The following POLR2B variants were observed in gnomAD, a reference collection of about 807,000 sequenced individuals.
The protein encoded by POLR2B is DNA-directed RNA polymerase II subunit RPB2.
A neutral mutation model predicts 144.6 loss-of-function variants in POLR2B; 57 were observed. That is an observed-to-expected ratio of 0.39 (90% CI 0.32 to 0.49). The LOEUF is 0.49. POLR2B is among the 20% of genes least tolerant of loss of function. POLR2B has a pLI of 0.83. For synonymous variants in POLR2B, 442 were observed against 469.8 expected (o/e 0.94, Z 0.77); for missense variants, 595 against 1,467.4 (o/e 0.41, Z 9.71).
intron 6 of POLR2B, among the ~76,000 whole-genome samples, chr4:56,995,618 A>G (rs1366831245): frequency 6.6e-6 from 1 of 152,208 alleles, no homozygotes; most frequent in Admixed American, 6.5e-5. Context: ...GGTGTAGCTT[A>G]GCTGGGTCTT....
At chr4:57,018,601 TAGTGTCTTAGTGTCAGAACACTA>T in intron 16 of POLR2B, among the ~76,000 whole-genome samples, 1 of 152,230 alleles carries the variant, frequency 6.6e-6, no homozygotes, top group African/African-American at 2.4e-5. Context: ...TATGTTGATT[TAGTGTCTTAGTGTCAGAACACTA>T]AGACGTGAAC....
At chr4:57,015,001 C>T (rs148319284) in intron 13 of POLR2B, among the ~76,000 whole-genome samples, 1 of 152,266 alleles carries the variant, frequency 6.6e-6, no homozygotes, top group East Asian at 1.9e-4. Flanking sequence ...TCACATGTGG[C>T]TATCCCCTGT....
intron 17 of POLR2B, 60 bp downstream of exon 17, chr4:57,021,055 A>T: frequency 1.1e-6 from 1 of 930,068 alleles, no homozygotes; most frequent in Admixed American, 1.8e-5. Context: ...TTTTTTATGC[A>T]AAAAAAGTTC....
At chr4:57,018,807 G>C (rs763341282) in intron 16 of POLR2B, among the ~76,000 whole-genome samples, 1 of 152,218 alleles carries the variant, frequency 6.6e-6, no homozygotes, top group Non-Finnish European at 1.5e-5. Flanking sequence ...AATTAAGAGA[G>C]AAGATTTGAG....
chr4:57,005,961 GT>G (rs1295134114), intron 9 of POLR2B, among the ~76,000 whole-genome samples: 1 of 152,142 alleles, frequency 6.6e-6, no homozygotes, highest in African/African-American at 2.4e-5. Flanking sequence ...TTTGTAAGAT[GT>G]TTGAGAAAGC....
At chr4:57,030,594 G>T (rs11573133) in intron 24 of POLR2B, among the ~76,000 whole-genome samples, 195 bp downstream of exon 24, 1 of 152,180 alleles carries the variant, frequency 6.6e-6, no homozygotes, top group Non-Finnish European at 1.5e-5. Context: ...TTTTAGTGTG[G>T]TAATTTCTCT....
At chr4:56,979,476 T>A (rs1442529694) in intron 1 of POLR2B, among the ~76,000 whole-genome samples, 1 of 152,002 alleles carries the variant, frequency 6.6e-6, no homozygotes, top group Non-Finnish European at 1.5e-5. Context: ...CTCGGTTTAG[T>A]CTGACATTTC....
At chr4:57,021,560 C>T (rs1723551860) in intron 17 of POLR2B, among the ~76,000 whole-genome samples, 1 of 146,100 alleles carries the variant, frequency 6.8e-6, no homozygotes, top group African/African-American at 2.5e-5. Flanking sequence ...AATCTTGGCT[C>T]ACTTGCAATC....
At chr4:57,004,928 AC>A (rs1722971241) in intron 7 of POLR2B, among the ~76,000 whole-genome samples, 3 of 152,084 alleles carry the variant, frequency 2.0e-5, no homozygotes, top group Admixed American at 2.0e-4. Context: ...TAAGCTATCC[AC>A]CTACCTCAGC....
In POLR2B at chr4:57,017,264, TG is replaced by T. The variant is rs1258363786; in HGVS notation, c.2154+25del. The T allele has an allele frequency of 6.5e-7, 1 of 1,537,462 alleles. No individual in the cohort carries two copies. Among genetic ancestry groups the T allele is most frequent in the East Asian group, 2.3e-5 (1 of 44,352 alleles). On this transcript the variant is annotated intron_variant, in intron 15 of 24. Transcript: ENST00000314595. The surrounding 1 kb of genome is among the most constrained non-coding windows in gnomAD (Gnocchi z 4.8). ...CAGGTTGGTATCACTTTTTGTCTTC[TG>T]GTGTGAGGAATTGGGAGAAGTAATA... is the stretch of plus-strand genomic sequence containing the variant.
chr4:56,990,108 C>T (rs76097337), intron 2 of POLR2B, among the ~76,000 whole-genome samples: 3,117 of 152,288 alleles, frequency 0.02, 108 homozygotes, highest in African/African-American at 0.071. Context: ...CACTACCCTC[C>T]GTCCTATTCA....
intron 10 of POLR2B, among the ~76,000 whole-genome samples, chr4:57,007,428 A>G (rs950250835): frequency 6.6e-6 from 1 of 152,212 alleles, no homozygotes; most frequent in Non-Finnish European, 1.5e-5. Flanking sequence ...AAAACAAAAA[A>G]AAAAACTTAC....
chr4:56,996,087 A>G (rs189668848), intron 6 of POLR2B, among the ~76,000 whole-genome samples: 3 of 152,070 alleles, frequency 2.0e-5, no homozygotes, highest in Admixed American at 2.0e-4. Context: ...TAGGTTGCTT[A>G]TAATAATGGA....
At chr4:56,985,422 C>G (rs973088375) in intron 1 of POLR2B, 76 of 985,144 alleles carry the variant, frequency 7.7e-5, no homozygotes, top group African/African-American at 7.2e-4. Flanking sequence ...GGCACTCCCC[C>G]CCGCCGCCCC....
chr4:56,979,635 G>T (rs1722091870), intron 1 of POLR2B, among the ~76,000 whole-genome samples: 1 of 152,138 alleles, frequency 6.6e-6, no homozygotes, highest in African/African-American at 2.4e-5. Context: ...GGAATTCTTA[G>T]TAGTGGCCGA....
chr4:56,991,054 A>G, intron 3 of POLR2B, 156 bp downstream of exon 3: 2 of 565,722 alleles, frequency 3.5e-6, no homozygotes, highest in South Asian at 2.9e-5. Context: ...ATTTTCTCTA[A>G]TGAAGAGGTG....
intron 7 of POLR2B, among the ~76,000 whole-genome samples, chr4:57,002,278 C>G (rs1722878343): frequency 6.6e-6 from 1 of 152,144 alleles, no homozygotes; most frequent in Non-Finnish European, 1.5e-5. Flanking sequence ...GTTCACCATC[C>G]TCGGGCTCCT....
intron 16 of POLR2B, among the ~76,000 whole-genome samples, chr4:57,019,163 A>C (rs1723460301): frequency 6.6e-6 from 1 of 152,172 alleles, no homozygotes; most frequent in African/African-American, 2.4e-5. Flanking sequence ...CACAGTATGC[A>C]TGTATCTTTG....
At chr4:56,985,397 T>TGGCGA (rs1722289637) in intron 1 of POLR2B, 1 of 985,050 alleles carries the variant, frequency 1.0e-6, no homozygotes, top group African/African-American at 1.8e-5. Context: ...CTCGGTGCTG[T>TGGCGA]GGCGAGGCGG....
Sources: gnomAD v4.1 joint callset for allele counts (sites outside exome capture counted in the v4.1 genomes callset) on GRCh38, gnomAD v4.1.1 for gene constraint, Gnocchi (gnomAD v3.1) non-coding constraint, MANE v1.5 for transcripts, NCBI Gene and HGNC (gene_info 2026-07-23, HGNC 2026-07-21) for gene names.